The following SNTG1 variants were observed in gnomAD, a reference collection of about 807,000 sequenced individuals.
SNTG1 encodes syntrophin gamma 1.
Under a neutral mutation model 74.7 loss-of-function variants are expected in SNTG1, and 39 were observed. That is an observed-to-expected ratio of 0.52 (90% confidence interval 0.40 to 0.68). The LOEUF (loss-of-function observed/expected upper bound fraction) is 0.68, where lower values mean the gene tolerates loss of function less well. SNTG1 is among the 30% of genes least tolerant of loss of function. The pLI, the probability that SNTG1 is intolerant of heterozygous loss-of-function variation, is 0.00. For synonymous variants in SNTG1, 254 were observed against 217.1 expected (o/e 1.17, Z -1.49); for missense variants, 685 against 609.5 (o/e 1.12, Z -1.30).
intron 2 of SNTG1, among the ~76,000 whole-genome samples, chr8:50,200,445 G>A (rs550041890): frequency 2.6e-4 from 40 of 152,204 alleles, no homozygotes; most frequent in African/African-American, 8.7e-4. Context: ...ATTAATACTC[G>A]AAACTCAATC....
At chr8:50,098,701 G>C (rs977419211) in intron 1 of SNTG1, among the ~76,000 whole-genome samples, 4 of 152,130 alleles carry the variant, frequency 2.6e-5, no homozygotes, top group Non-Finnish European at 5.9e-5. Context: ...ATCCATATAA[G>C]ATGTGATCTT....
At chr8:50,444,577 C>T (rs1282875656) in intron 5 of SNTG1, among the ~76,000 whole-genome samples, 1 of 151,928 alleles carries the variant, frequency 6.6e-6, no homozygotes, top group Non-Finnish European at 1.5e-5. Context: ...TGGTGAAACT[C>T]CAACTCTACT....
intron 2 of SNTG1, among the ~76,000 whole-genome samples, chr8:50,305,074 T>C (rs1401377586): frequency 6.6e-6 from 1 of 152,068 alleles, no homozygotes; most frequent in African/African-American, 2.4e-5. Context: ...GGCTAATTTT[T>C]GTATTTTTTG....
chr8:50,562,010 C>CA (rs34032480), intron 12 of SNTG1, among the ~76,000 whole-genome samples: 1 of 152,072 alleles, frequency 6.6e-6, no homozygotes, highest in Non-Finnish European at 1.5e-5. Flanking sequence ...TGTCCTTACC[C>CA]AAAAAAGATA....
At chr8:50,245,792 C>T (rs1445830151) in intron 2 of SNTG1, among the ~76,000 whole-genome samples, 1 of 152,134 alleles carries the variant, frequency 6.6e-6, no homozygotes, top group Non-Finnish European at 1.5e-5. Flanking sequence ...GTGAGCTCAA[C>T]TTTCTTATAT....
At chr8:50,525,023 T>G (rs569594386) in intron 9 of SNTG1, among the ~76,000 whole-genome samples, 6 of 152,266 alleles carry the variant, frequency 3.9e-5, no homozygotes, top group Non-Finnish European at 8.8e-5. Context: ...TTTACTTCAA[T>G]TTGAAGAATT....
At chr8:50,682,185 G>A (rs1430265940) in intron 15 of SNTG1, among the ~76,000 whole-genome samples, 1 of 152,314 alleles carries the variant, frequency 6.6e-6, no homozygotes, top group East Asian at 1.9e-4. Flanking sequence ...CACATGGACA[G>A]GGAGGGTAAG....
At chr8:50,040,889 A>T (rs965635004) in intron 1 of SNTG1, among the ~76,000 whole-genome samples, 3 of 152,158 alleles carry the variant, frequency 2.0e-5, no homozygotes, top group African/African-American at 7.2e-5. Context: ...GGCATTTTTT[A>T]AATTAATTAT....
intron 2 of SNTG1, among the ~76,000 whole-genome samples, chr8:50,287,496 A>G (rs941309635): frequency 6.6e-6 from 1 of 152,156 alleles, no homozygotes. Context: ...AGGTTTCCCA[A>G]CAAGCACAAA....
At chr8:50,152,737 C>T (rs1487901170) in intron 1 of SNTG1, among the ~76,000 whole-genome samples, 2 of 152,168 alleles carry the variant, frequency 1.3e-5, no homozygotes, top group Non-Finnish European at 2.9e-5. Flanking sequence ...TATTGGCCCC[C>T]ACTCTCTTCT....
At chr8:50,224,050 C>CA (rs1248737475) in intron 2 of SNTG1, among the ~76,000 whole-genome samples, 1 of 151,022 alleles carries the variant, frequency 6.6e-6, no homozygotes, top group African/African-American at 2.4e-5. Context: ...GCAGCATTAT[C>CA]AAAAAAACAA....
At chr8:50,281,081 G>C (rs1471689195) in intron 2 of SNTG1, among the ~76,000 whole-genome samples, 1 of 151,386 alleles carries the variant, frequency 6.6e-6, no homozygotes, top group East Asian at 1.9e-4. Context: ...TTCCCCATTA[G>C]AAGACAGAAC....
intron 9 of SNTG1, among the ~76,000 whole-genome samples, chr8:50,505,374 T>C (rs774364331): frequency 2.6e-5 from 4 of 152,174 alleles, no homozygotes; most frequent in African/African-American, 4.8e-5. Context: ...CTGGATCATA[T>C]GTTAATTCTA....
chr8:50,579,514 C>T (rs1471551700), intron 12 of SNTG1, among the ~76,000 whole-genome samples: 4 of 152,156 alleles, frequency 2.6e-5, no homozygotes, highest in African/African-American at 9.7e-5. Flanking sequence ...CAGCCCCTCC[C>T]ATCACAGCCA....
At chr8:50,253,945 T>C (rs1049527081) in intron 2 of SNTG1, among the ~76,000 whole-genome samples, 4 of 151,956 alleles carry the variant, frequency 2.6e-5, no homozygotes, top group African/African-American at 9.7e-5. Context: ...TGAATAACCA[T>C]TGATAATTAC....
intron 1 of SNTG1, among the ~76,000 whole-genome samples, chr8:50,092,153 C>A (rs2079763047): frequency 6.6e-6 from 1 of 152,152 alleles, no homozygotes; most frequent in Non-Finnish European, 1.5e-5. Context: ...ATGGCAGAAG[C>A]CTGGCCCATC....
intron 14 of SNTG1, 132 bp from the exon 15 acceptor site, chr8:50,658,460 A>C (rs542400713): frequency 2.2e-5 from 12 of 558,122 alleles, no homozygotes; most frequent in African/African-American, 1.5e-4. Context: ...CTTTATGAGC[A>C]TGGCTTCACA....
chr8:50,390,442 A>T (rs6473115), intron 2 of SNTG1, among the ~76,000 whole-genome samples: 139,068 of 152,204 alleles, frequency 0.91, 64,311 homozygotes, highest in Non-Finnish European at 1. Flanking sequence ...CTGTTTTGGT[A>T]CCAGTACCAT....
At chr8:49,910,820 G>C (rs1198757674), upstream of SNTG1, 1 of 152,272 alleles carries the variant, frequency 6.6e-6, no homozygotes, top group Non-Finnish European at 1.5e-5. Context: ...AGATTGTCGA[G>C]CCCTCTGACT....
Sources: gnomAD v4.1 joint callset for allele counts (sites outside exome capture counted in the v4.1 genomes callset) on GRCh38, gnomAD v4.1.1 for gene constraint, MANE v1.5 for transcripts, NCBI Gene and HGNC (gene_info 2026-07-23, HGNC 2026-07-21) for gene names.